The following SLC29A4 variants were observed in gnomAD, a reference collection of about 807,000 sequenced individuals.
SLC29A4 encodes the protein equilibrative nucleoside transporter 4.
Under a neutral mutation model 43.9 loss-of-function variants are expected in SLC29A4, and 36 were observed. The ratio of observed to expected loss-of-function variants is 0.82; its 90% confidence interval spans 0.63 to 1.08. The LOEUF (loss-of-function observed/expected upper bound fraction) is 1.08, where lower values mean the gene tolerates loss of function less well. Among genes scored for constraint, SLC29A4 ranks in the 50% least tolerant of loss-of-function variants. The probability of loss-of-function intolerance (pLI) is 0.00; values close to 1 mark genes in which losing one functional copy is unlikely to be tolerated. For missense variants in SLC29A4, 869 were observed against 755.3 expected (o/e 1.15, Z -1.77); for synonymous variants, 491 against 338.0 (o/e 1.45, Z -4.97).
rs766087136 is a variant in SLC29A4, at chr7:5,287,800, C to G, written c.-8-9C>G. ...CCCTCACCTGCTCTCTCTGCTTTCT[C>G]CAAAGCAGAGGCTGCCATGGGCTCC... On this transcript the variant is annotated splice_polypyrimidine_tract_variant and intron_variant, in intron 1 of 10. Transcript: ENST00000396872. 6.2e-7 allele frequency: 1 copy of G among 1,609,348 alleles called. No homozygotes were observed. Among genetic ancestry groups the G allele is most frequent in the Non-Finnish European group, 8.5e-7 (1 of 1,179,220 alleles).
chr7:5,290,650 C>T (rs971757638), intron 2 of SLC29A4, 82 bp from the exon 3 acceptor site: 34 of 1,526,568 alleles, frequency 2.2e-5, no homozygotes, highest in African/African-American at 2.0e-4. Context: ...TGATGGCGGC[C>T]GGGGTGGTGG....
chr7:5,290,179 G>A (rs777931562), intron 2 of SLC29A4, among the ~76,000 whole-genome samples: 12 of 151,004 alleles, frequency 7.9e-5, no homozygotes, highest in Non-Finnish European at 1.3e-4. Flanking sequence ...TCAGCCTCCC[G>A]AGTAGCTGGG....
At chr7:5,289,623 C>T (rs1053117262) in intron 2 of SLC29A4, among the ~76,000 whole-genome samples, 3 of 152,088 alleles carry the variant, frequency 2.0e-5, no homozygotes, top group African/African-American at 4.8e-5. Flanking sequence ...GCCTTCACAG[C>T]AGCACCAGGG....
At chr7:5,288,682 C>T (rs1671011412) in intron 2 of SLC29A4, among the ~76,000 whole-genome samples, 1 of 152,116 alleles carries the variant, frequency 6.6e-6, no homozygotes, top group Admixed American at 6.6e-5. Flanking sequence ...GCAAAGGAGC[C>T]AGGAAAGTGC....
At chr7:5,292,059 T>G (rs1785347051) in intron 5 of SLC29A4, among the ~76,000 whole-genome samples, 1 of 152,236 alleles carries the variant, frequency 6.6e-6, no homozygotes. Context: ...AGCCCCTGGT[T>G]TCCCTGGTAT....
chr7:5,299,239 G>A lies in SLC29A4; in HGVS notation c.1022-1G>A, dbSNP rs1159149090. On this transcript the variant is annotated splice_acceptor_variant, in intron 8 of 10. Transcript: ENST00000396872. LOFTEE classifies it high-confidence loss of function. ...TCTGACCCCCGCCCGCCACCCTCCA[G>A]CCCTGTTACTGCACCGCTACGTGGT... 3.7e-6 allele frequency: 6 copies of A among 1,611,164 alleles called. No homozygotes were observed.
chr7:5,298,626 TACAAAAAAGAAAACG>T (rs906980711), intron 7 of SLC29A4, among the ~76,000 whole-genome samples: 1 of 152,030 alleles, frequency 6.6e-6, no homozygotes, highest in African/African-American at 2.4e-5. Context: ...ACCCTGTGTC[TACAAAAAAGAAAACG>T]GCAAAAAAGA....
chr7:5,290,952 C>T (rs1785265673), intron 3 of SLC29A4, 89 bp downstream of exon 3: 3 of 1,548,566 alleles, frequency 1.9e-6, no homozygotes, highest in Admixed American at 1.8e-5. Context: ...GAGGGTCCTA[C>T]ACGGGGACCT....
Position 5,302,979 on chromosome 7 carries a change from C to T in SLC29A4, c.*40C>T. 1.9e-6 allele frequency: 3 copies of T among 1,583,106 alleles called. No homozygotes were observed. Among genetic ancestry groups the T allele is most frequent in the South Asian group, 1.1e-5 (1 of 87,034 alleles). Reference sequence around the variant, plus strand: ...CTGCCAGGGACGCCGAGGGCCTGACCAGGGGCCCCGAGGCCTGAGGGCCCC... The same window carrying T: ...CTGCCAGGGACGCCGAGGGCCTGACTAGGGGCCCCGAGGCCTGAGGGCCCC... On this transcript the variant is annotated 3_prime_UTR_variant, in exon 11 of 11. Coordinates refer to ENST00000396872, the MANE Select transcript of SLC29A4 (RefSeq NM_153247.4).
intron 7 of SLC29A4, among the ~76,000 whole-genome samples, chr7:5,297,770 G>A (rs1216419470): frequency 1.3e-5 from 2 of 152,158 alleles, no homozygotes; most frequent in East Asian, 3.9e-4. Flanking sequence ...GAAAGGGAGT[G>A]GTCTCCCAGG....
intron 10 of SLC29A4, among the ~76,000 whole-genome samples, chr7:5,302,376 C>CA (rs869262943): frequency 1.3e-5 from 2 of 152,116 alleles, no homozygotes; most frequent in African/African-American, 4.8e-5. Context: ...GGAGTCTCTA[C>CA]AAAAAAATTT....
intron 10 of SLC29A4, 36 bp downstream of exon 10, chr7:5,300,698 C>T (rs1786101534): frequency 1.0e-5 from 16 of 1,594,592 alleles, no homozygotes; most frequent in African/African-American, 1.3e-5. Context: ...GGGGCGTCCT[C>T]CCAGCAGCGC....
rs1447749764 is a variant in SLC29A4, at chr7:5,299,043, A to G, written c.938A>G (p.His313Arg). ...PNESPKDSPA[H>R]EVTGSGGAYM... ...GAGTCCCCAAAGGACAGCCCAGCCC[A>G]CGAGGTGACCGGCAGCGGCGGGGCC... The change falls in exon 8 of 11, where the codon CAC (histidine) becomes CGC (arginine). Residue 313 changes from histidine to arginine, a missense_variant. Physicochemically the swap from His to Arg is conservative, Grantham distance 29 (BLOSUM62 0). Transcript: ENST00000396872. 12 of 1,612,170 alleles carry G rather than the reference A, an allele frequency of 7.4e-6. No homozygotes were observed. The highest frequency in any genetic ancestry group is 1.0e-5 in the Non-Finnish European group (12 of 1,179,864).
At chr7:5,288,298 C>CTTTTTTTTT (rs34436127) in intron 2 of SLC29A4, among the ~76,000 whole-genome samples, 9 of 68,758 alleles carry the variant, frequency 1.3e-4, no homozygotes, top group Non-Finnish European at 1.8e-4. Context: ...CGTACAGCTT[C>CTTTTTTTTT]TTTTTTTTTT....
intron 5 of SLC29A4, among the ~76,000 whole-genome samples, chr7:5,292,689 C>CTTTTTTTTTT (rs1785380928): frequency 1.2e-5 from 1 of 85,734 alleles, no homozygotes; most frequent in Non-Finnish European, 2.4e-5. Flanking sequence ...ACATTTTTTT[C>CTTTTTTTTTT]CTTTTTTTTT....
chr7:5,288,860 C>G (rs1174838163), intron 2 of SLC29A4, among the ~76,000 whole-genome samples: 6 of 152,156 alleles, frequency 3.9e-5, no homozygotes, highest in African/African-American at 7.2e-5. Context: ...GGCTTGGAGT[C>G]TGACAGGCTC....
In SLC29A4 at chr7:5,306,408, T is replaced by A. The variant is rs989669008; in HGVS notation, c.*3469T>A. ...CGGGGTTTCACCACATTGCTCAGGC[T>A]GGTCTGAAACTCCTGGCCTGAAGTG... On this transcript the variant is annotated 3_prime_UTR_variant, in exon 11 of 11. Coordinates refer to ENST00000396872, the MANE Select transcript of SLC29A4 (RefSeq NM_153247.4). 6.6e-6 allele frequency: 1 copy of A among 151,960 alleles called. No individual in the cohort carries two copies. Among genetic ancestry groups the A allele is most frequent in the Non-Finnish European group, 1.5e-5 (1 of 68,010 alleles). The allele number at this position is 151,960 out of a possible 1,614,324, so 9.4% of individuals were successfully genotyped here. A position where few individuals can be genotyped will look rare whatever the true frequency, so the allele number is the denominator to read the frequency against.
intron 5 of SLC29A4, 51 bp from the exon 6 acceptor site, chr7:5,294,809 T>G (rs751784780): frequency 6.3e-7 from 1 of 1,585,500 alleles, no homozygotes; most frequent in Non-Finnish European, 8.6e-7. Context: ...TTCTCCCAAG[T>G]TGACAGGTGA....
intron 10 of SLC29A4, 144 bp from the exon 11 acceptor site, chr7:5,302,653 G>C: frequency 2.7e-6 from 2 of 752,424 alleles, no homozygotes; most frequent in South Asian, 3.8e-5. Flanking sequence ...TCCGGAGAGG[G>C]TGCTCCCAGG....
Sources: allele counts gnomAD v4.1 joint callset (sites outside exome capture counted in the v4.1 genomes callset), GRCh38; gene constraint gnomAD v4.1.1; transcripts MANE v1.5; gene names NCBI Gene and HGNC (gene_info 2026-07-23, HGNC 2026-07-21).